STXBP5: variants seen among roughly 807,000 people sequenced by gnomAD.
STXBP5 encodes the protein syntaxin-binding protein 5.
A neutral mutation model predicts 152.4 loss-of-function variants in STXBP5; 50 were observed. The observed-to-expected ratio is 0.33, with a 90% CI of 0.26 to 0.42. The LOEUF (loss-of-function observed/expected upper bound fraction) is 0.42. STXBP5 is among the 10% of genes least tolerant of loss of function. The pLI is 1.00. For synonymous variants in STXBP5, 492 were observed against 494.7 expected (o/e 0.99, Z 0.07); for missense variants, 1,167 against 1,388.6 (o/e 0.84, Z 2.54).
At chr6:147,326,989 T>C in intron 17 of STXBP5, 136 bp from the exon 18 acceptor site, 2 of 693,830 alleles carry the variant, frequency 2.9e-6, no homozygotes, top group South Asian at 4.2e-5. Flanking sequence ...TGTATTTCAG[T>C]TCCTATAGTT....
chr6:147,249,692 T>C (rs1198558752), intron 4 of STXBP5, among the ~76,000 whole-genome samples: 1 of 145,262 alleles, frequency 6.9e-6, no homozygotes, highest in Non-Finnish European at 1.5e-5. Context: ...GAATTCCTAC[T>C]GTGATGCAGC....
At chr6:147,253,117 C>G (rs977708169) in intron 4 of STXBP5, among the ~76,000 whole-genome samples, 7 of 152,184 alleles carry the variant, frequency 4.6e-5, no homozygotes, top group African/African-American at 1.7e-4. Context: ...CCACCATGAT[C>G]AAATCGGCTT....
chr6:147,262,152 A>C, intron 5 of STXBP5, 138 bp from the exon 6 acceptor site: 1 of 596,694 alleles, frequency 1.7e-6, no homozygotes, highest in Non-Finnish European at 2.9e-6. Flanking sequence ...CTATATGCCT[A>C]TTATTTATCT....
chr6:147,252,807 G>T (rs1192870306), intron 4 of STXBP5, among the ~76,000 whole-genome samples: 10 of 152,204 alleles, frequency 6.6e-5, no homozygotes, highest in Non-Finnish European at 1.5e-4. Context: ...TGAAATTGAG[G>T]CAGTAATTAA....
intron 9 of STXBP5, among the ~76,000 whole-genome samples, chr6:147,304,834 A>T (rs1177596941): frequency 6.6e-6 from 1 of 152,154 alleles, no homozygotes; most frequent in East Asian, 1.9e-4. Flanking sequence ...GATTTGCATG[A>T]GGCCTGTAGC....
intron 9 of STXBP5, among the ~76,000 whole-genome samples, chr6:147,303,671 G>A (rs1410317764): frequency 6.6e-6 from 1 of 152,172 alleles, no homozygotes; most frequent in East Asian, 1.9e-4. Context: ...GCTTCCTAGA[G>A]ACTTGAAGGA....
At chr6:147,218,804 T>C (rs1019100923) in intron 2 of STXBP5, among the ~76,000 whole-genome samples, 1 of 152,228 alleles carries the variant, frequency 6.6e-6, no homozygotes, top group Non-Finnish European at 1.5e-5. Flanking sequence ...ACCTTGCATA[T>C]CCTGGCCACC....
At chr6:147,366,323 C>A (rs1354282505) in intron 25 of STXBP5, among the ~76,000 whole-genome samples, 1 of 152,212 alleles carries the variant, frequency 6.6e-6, no homozygotes, top group African/African-American at 2.4e-5. Flanking sequence ...TTGATCCCAA[C>A]AACCAGACTG....
chr6:147,212,293 T>G (rs1011518923), intron 2 of STXBP5, among the ~76,000 whole-genome samples: 1 of 152,230 alleles, frequency 6.6e-6, no homozygotes, highest in African/African-American at 2.4e-5. Context: ...CTGCTTTAAG[T>G]AAGATGAGTT....
intron 2 of STXBP5, among the ~76,000 whole-genome samples, chr6:147,226,754 T>C (rs1294882639): frequency 1.3e-5 from 2 of 152,200 alleles, no homozygotes; most frequent in South Asian, 2.1e-4. Context: ...CTAACTGTTA[T>C]ATTGCTTTTA....
intron 15 of STXBP5, 125 bp downstream of exon 15, chr6:147,315,860 A>G (rs182082211): frequency 2.8e-5 from 21 of 756,260 alleles, no homozygotes; most frequent in Middle Eastern, 3.0e-4. Context: ...CTTAGTATTT[A>G]TATTATTATC....
intron 19 of STXBP5, among the ~76,000 whole-genome samples, chr6:147,337,952 G>A (rs1289356385): frequency 6.6e-6 from 1 of 152,078 alleles, no homozygotes; most frequent in Admixed American, 6.6e-5. Flanking sequence ...AAGCTGTCAA[G>A]GACATTCACC....
chr6:147,341,542 A>G (rs1445754972), intron 21 of STXBP5, among the ~76,000 whole-genome samples: 3 of 152,134 alleles, frequency 2.0e-5, no homozygotes, highest in Admixed American at 2.0e-4. Context: ...AAGAATTAGT[A>G]CCTCCAGGGT....
At chr6:147,247,836 A>C (rs1439992027) in intron 4 of STXBP5, among the ~76,000 whole-genome samples, 1 of 152,212 alleles carries the variant, frequency 6.6e-6, no homozygotes, top group Non-Finnish European at 1.5e-5. Context: ...TCTTCTGTCA[A>C]GGAATAGGGG....
intron 23 of STXBP5, among the ~76,000 whole-genome samples, chr6:147,361,918 T>G (rs1197438509): frequency 6.6e-6 from 1 of 152,180 alleles, no homozygotes; most frequent in East Asian, 1.9e-4. Flanking sequence ...GTCTTGTGTT[T>G]CGAAGTTTTC....
intron 27 of STXBP5, 92 bp downstream of exon 27, chr6:147,383,090 C>A: frequency 7.1e-7 from 1 of 1,411,088 alleles, no homozygotes; most frequent in South Asian, 1.3e-5. Context: ...ATTTCTACAC[C>A]CATGAATTTG....
intron 21 of STXBP5, among the ~76,000 whole-genome samples, chr6:147,346,120 T>C (rs1192389881): frequency 2.0e-5 from 3 of 152,168 alleles, no homozygotes; most frequent in Admixed American, 6.5e-5. Flanking sequence ...TGCTTTCAGT[T>C]TGAAGGTCAC....
intron 2 of STXBP5, among the ~76,000 whole-genome samples, chr6:147,228,295 G>C (rs1422183526): frequency 6.6e-6 from 1 of 152,000 alleles, no homozygotes; most frequent in African/African-American, 2.4e-5. Context: ...ATCTTGTCAG[G>C]GGTTTGCTTG....
rs767009227 is a variant in STXBP5 at position 147,262,260 on chromosome 6, A to G, written c.567-30A>G. On this transcript the variant is annotated intron_variant, in intron 5 of 27. Transcript: ENST00000321680. ...GCCATATTAAAATTCTTAACTGAAG[A>G]GAAAATCTTACTAACTTTTTCTTTT... 5 of 1,418,844 alleles carry G rather than the reference A, an allele frequency of 3.5e-6. No homozygotes were observed. In the African/African-American group the frequency reaches 7.3e-5, roughly 21 times the overall value. 87.9% of individuals were successfully genotyped at this position (1,418,844 alleles called of 1,614,324 possible).
Sources: gnomAD v4.1 joint callset for allele counts (sites outside exome capture counted in the v4.1 genomes callset) on GRCh38, gnomAD v4.1.1 for gene constraint, MANE v1.5 for transcripts, NCBI Gene and HGNC (gene_info 2026-07-23, HGNC 2026-07-21) for gene names.